Variants in PPM1L observed in about 807,000 individuals in gnomAD.
The protein encoded by PPM1L is protein phosphatase 1L.
A neutral mutation model predicts 31.4 loss-of-function variants in PPM1L; 13 were observed. The ratio of observed to expected loss-of-function variants is 0.41; its 90% confidence interval spans 0.27 to 0.66. PPM1L has a LOEUF of 0.66. PPM1L is among the 30% of genes least tolerant of loss of function. The pLI, the probability that PPM1L is intolerant of heterozygous loss-of-function variation, is 0.29. For synonymous variants in PPM1L, 184 were observed against 175.4 expected, an observed-to-expected ratio of 1.05 and a Z score of -0.39; for missense variants, 326 against 453.7, an observed-to-expected ratio of 0.72 and a Z score of 2.56.
At chr3:160,800,943 G>A (rs1471452200) in intron 1 of PPM1L, among the ~76,000 whole-genome samples, 8 of 152,144 alleles carry the variant, frequency 5.3e-5, no homozygotes, top group Non-Finnish European at 1.2e-4. Context: ...CACATGTTCT[G>A]TGGTTTTTAA....
chr3:160,894,864 G>A (rs968176315), intron 1 of PPM1L, among the ~76,000 whole-genome samples: 54 of 152,210 alleles, frequency 3.5e-4, no homozygotes, highest in African/African-American at 1.3e-3. Flanking sequence ...TGAATCTAAT[G>A]ATTTTGGCAC....
At chr3:160,764,420 A>G (rs886311587) in intron 1 of PPM1L, among the ~76,000 whole-genome samples, 1 of 151,802 alleles carries the variant, frequency 6.6e-6, no homozygotes, top group Non-Finnish European at 1.5e-5. Flanking sequence ...ATTTTGCTCT[A>G]TAATGCTTTA....
At chr3:160,877,542 C>T (rs1459813794) in intron 1 of PPM1L, among the ~76,000 whole-genome samples, 1 of 70,872 alleles carries the variant, frequency 1.4e-5, no homozygotes, top group East Asian at 2.9e-4. Flanking sequence ...TTTGTTGTCT[C>T]ATGCCAAGGA....
chr3:160,808,728 G>C (rs1319752427), intron 1 of PPM1L, among the ~76,000 whole-genome samples: 2 of 152,194 alleles, frequency 1.3e-5, no homozygotes, highest in Non-Finnish European at 2.9e-5. Context: ...TCACAGAGCA[G>C]AGAAGGGAAC....
At chr3:161,046,633 C>T (rs1424559560) in intron 2 of PPM1L, among the ~76,000 whole-genome samples, 2 of 152,018 alleles carry the variant, frequency 1.3e-5, no homozygotes, top group African/African-American at 4.8e-5. Flanking sequence ...AGAGACACAA[C>T]CAAAAAAGAG....
At chr3:160,847,204 A>G (rs1336698131) in intron 1 of PPM1L, among the ~76,000 whole-genome samples, 2 of 152,190 alleles carry the variant, frequency 1.3e-5, no homozygotes, top group Non-Finnish European at 2.9e-5. Flanking sequence ...GTCATGTTTC[A>G]TATTAATGTT....
intron 1 of PPM1L, among the ~76,000 whole-genome samples, chr3:160,814,418 A>G (rs954752273): frequency 6.6e-6 from 1 of 152,066 alleles, no homozygotes; most frequent in Non-Finnish European, 1.5e-5. Flanking sequence ...TTGCAAAAAT[A>G]TGGAACCAGC....
At chr3:160,976,938 CT>C (rs1440880286) in intron 2 of PPM1L, among the ~76,000 whole-genome samples, 2 of 152,102 alleles carry the variant, frequency 1.3e-5, no homozygotes, top group Non-Finnish European at 2.9e-5. Flanking sequence ...TTTGCTCTTG[CT>C]TTTCTAGTTC....
rs1491444648 is a variant in PPM1L at position 160,970,445 on chromosome 3, A to ATTTTTTTTTTTTTTTTTTTT, written c.574+8536_574+8537insTTTTTTTTTTTTTTTTTTTT. Among the ~76,000 whole-genome samples the ATTTTTTTTTTTTTTTTTTTT allele has an allele frequency of 2.4e-4, 8 of 33,462 alleles. 3 individuals are homozygous for ATTTTTTTTTTTTTTTTTTTT. The highest frequency in any genetic ancestry group is 6.4e-4 in the Non-Finnish European group (5 of 7,774). 22.0% of individuals were successfully genotyped at this position (33,462 alleles called of 152,430 possible). ...TTATCAATCTTTTTAACCAAGCTGAATATTTTTTTTTTTTTTTTTTTTGAG... is the reference window on the plus strand; with the variant it reads ...TTATCAATCTTTTTAACCAAGCTGAATTTTTTTTTTTTTTTTTTTTTATTTTTTTTTTTTTTTTTTTTGAG... On this transcript the variant is annotated intron_variant, in intron 2 of 3. Transcript: ENST00000498165.
At chr3:161,053,960 A>G (rs756948343) in intron 2 of PPM1L, among the ~76,000 whole-genome samples, 3 of 149,374 alleles carry the variant, frequency 2.0e-5, no homozygotes, top group Non-Finnish European at 3.0e-5. Context: ...TTTGTAATGG[A>G]TCTATTTCTC....
rs1314580501 is a variant in PPM1L, at chr3:161,070,709, G to A, written c.*1552G>A. On this transcript the variant is annotated 3_prime_UTR_variant, in exon 4 of 4. Coordinates refer to ENST00000498165, the MANE Select transcript of PPM1L (RefSeq NM_139245.4). ...TGTTCTTTCCCTGTGAGCATTTGTG[G>A]TTATAGCTTCCCATATGCCACATTC... The A allele has an allele frequency of 4.6e-5, 7 of 152,278 alleles. No individual in the cohort carries two copies. The East Asian group carries it at 1.2e-3, about 25-fold the overall frequency. The allele number at this position is 152,278 out of a possible 1,614,324, so 9.4% of individuals were successfully genotyped here. A position where few individuals can be genotyped will look rare whatever the true frequency, so the allele number is the denominator to read the frequency against.
intron 1 of PPM1L, among the ~76,000 whole-genome samples, chr3:160,783,754 T>C (rs945948264): frequency 6.6e-6 from 1 of 152,160 alleles, no homozygotes; most frequent in East Asian, 1.9e-4. Context: ...ATGTTAAATG[T>C]CTCTCTATTT....
chr3:160,897,840 A>T (rs1272581527), intron 1 of PPM1L, among the ~76,000 whole-genome samples: 2 of 152,240 alleles, frequency 1.3e-5, no homozygotes, highest in Non-Finnish European at 2.9e-5. Flanking sequence ...CAATACTCTC[A>T]GTGTCTCACC....
chr3:160,839,112 G>A (rs532342617), intron 1 of PPM1L, among the ~76,000 whole-genome samples: 2 of 152,294 alleles, frequency 1.3e-5, no homozygotes, highest in East Asian at 3.9e-4. Flanking sequence ...AGATGCTGGT[G>A]CTATGCTCTT....
At chr3:160,798,037 G>T (rs2108076480) in intron 1 of PPM1L, among the ~76,000 whole-genome samples, 1 of 152,252 alleles carries the variant, frequency 6.6e-6, no homozygotes, top group Middle Eastern at 3.4e-3. Context: ...AATTAGCTGG[G>T]CGTGGTAGTG....
At chr3:161,037,694 A>G (rs138008777) in intron 2 of PPM1L, among the ~76,000 whole-genome samples, 2,117 of 149,778 alleles carry the variant, frequency 0.014, 54 homozygotes, top group African/African-American at 0.049. Context: ...AGCCTCCCAA[A>G]GTGCTGGGAT....
At chr3:161,048,096 TTAAAC>T in intron 2 of PPM1L, among the ~76,000 whole-genome samples, 1 of 152,290 alleles carries the variant, frequency 6.6e-6, no homozygotes, top group South Asian at 2.1e-4. Flanking sequence ...TGGGATCTAA[TTAAAC>T]TAAAGAGCTT....
chr3:161,051,042 G>A (rs990955946), intron 2 of PPM1L, among the ~76,000 whole-genome samples: 1 of 152,096 alleles, frequency 6.6e-6, no homozygotes, highest in African/African-American at 2.4e-5. Flanking sequence ...ATTAAACTAT[G>A]TGAATTCCTC....
chr3:160,971,701 CTG>C (rs1716347292), intron 2 of PPM1L, among the ~76,000 whole-genome samples: 4 of 152,196 alleles, frequency 2.6e-5, no homozygotes, highest in Admixed American at 2.6e-4. Context: ...GCTTCTGTAA[CTG>C]TGGTTATATG....
Sources: gnomAD v4.1 joint callset for allele counts (sites outside exome capture counted in the v4.1 genomes callset) on GRCh38, gnomAD v4.1.1 for gene constraint, MANE v1.5 for transcripts, NCBI Gene and HGNC (gene_info 2026-07-23, HGNC 2026-07-21) for gene names.